The following TAS2R1 variants were observed in gnomAD, a reference collection of about 807,000 sequenced individuals.
The protein encoded by TAS2R1 is taste receptor type 2 member 1.
For missense variants in TAS2R1, 370 were observed against 353.4 expected (o/e 1.05, Z -0.38); for synonymous variants, 141 against 134.2 (o/e 1.05, Z -0.35).
chr5:9,774,099 A>C, the TAS2R1 span, among the ~76,000 whole-genome samples: 1 of 152,166 alleles, frequency 6.6e-6, no homozygotes, highest in African/African-American at 2.4e-5. Context: ...GGCATGCTGC[A>C]TTCTTTCTTA....
At chr5:9,901,948 G>A in the TAS2R1 span, among the ~76,000 whole-genome samples, 1 of 152,202 alleles carries the variant, frequency 6.6e-6, no homozygotes, top group South Asian at 2.1e-4. Flanking sequence ...AGCCTAGCAG[G>A]ACTGAACTGA....
the TAS2R1 span, among the ~76,000 whole-genome samples, chr5:9,774,748 G>A: frequency 6.6e-6 from 1 of 152,224 alleles, no homozygotes; most frequent in African/African-American, 2.4e-5. Flanking sequence ...GGATTACCAG[G>A]CGGAGACTCT....
chr5:9,722,343 G>A, the TAS2R1 span, among the ~76,000 whole-genome samples: 1 of 152,206 alleles, frequency 6.6e-6, no homozygotes, highest in Non-Finnish European at 1.5e-5. Flanking sequence ...GTCATTTTAA[G>A]CTACTAAGTT....
the TAS2R1 span, among the ~76,000 whole-genome samples, chr5:9,887,788 T>C: frequency 6.6e-6 from 1 of 152,162 alleles, no homozygotes; most frequent in Non-Finnish European, 1.5e-5. Flanking sequence ...TAAGCATAAC[T>C]AGAAAAGTGG....
the TAS2R1 span, among the ~76,000 whole-genome samples, chr5:9,810,511 T>C: frequency 6.6e-6 from 1 of 152,186 alleles, no homozygotes; most frequent in Non-Finnish European, 1.5e-5. Flanking sequence ...CCTGGACTTA[T>C]TCTGGCTCTG....
chr5:9,719,697 G>C, the TAS2R1 span, among the ~76,000 whole-genome samples: 7 of 152,200 alleles, frequency 4.6e-5, no homozygotes, highest in South Asian at 1.5e-3. Context: ...GGGAGGCCGA[G>C]GCGGGCGGAT....
At chr5:9,708,668 T>A (rs901536005) in intron 1 of TAS2R1, among the ~76,000 whole-genome samples, 1 of 152,172 alleles carries the variant, frequency 6.6e-6, no homozygotes, top group Non-Finnish European at 1.5e-5. Context: ...ATAGTTTTTA[T>A]CTCACCCAGC....
At chr5:9,647,152 C>T (rs909358574) in intron 2 of TAS2R1, among the ~76,000 whole-genome samples, 9 of 152,080 alleles carry the variant, frequency 5.9e-5, no homozygotes, top group African/African-American at 1.9e-4. Flanking sequence ...TACAGAACCA[C>T]ATCAAATCAG....
Position 9,629,503 on chromosome 5 carries a change from A to G in TAS2R1, c.530T>C (p.Phe177Ser), listed in dbSNP as rs143184511. Residue 177 changes from phenylalanine (F) to serine (S), a missense_variant, in exon 1 of 1, where the codon TTC (phenylalanine) becomes TCC (serine). By Grantham distance (155) the Phe-to-Ser change is radical (BLOSUM62 -2). Coordinates refer to ENST00000382492, the MANE Select transcript of TAS2R1 (RefSeq NM_019599.3). ...CACTGAGAACTCAGCAACAAAAGAG[A>G]AAATCTGTATAGCCAGTGTATCTTC... ...QKEDTLAIQI[F>S]SFVAEFSVPL... 3 of 1,614,064 alleles carry G rather than the reference A, an allele frequency of 1.9e-6. No homozygotes were observed.
chr5:9,888,250 G>A, the TAS2R1 span, among the ~76,000 whole-genome samples: 2 of 152,022 alleles, frequency 1.3e-5, no homozygotes, highest in South Asian at 2.1e-4. Flanking sequence ...TGCCATGGCC[G>A]CTGCCTGACT....
intron 1 of TAS2R1, among the ~76,000 whole-genome samples, chr5:9,682,849 G>A (rs998820169): frequency 6.6e-6 from 1 of 152,122 alleles, no homozygotes; most frequent in Admixed American, 6.5e-5. Flanking sequence ...CAATCACAGT[G>A]TTTTATTTAC....
chr5:9,707,360 T>C (rs1318694084), intron 1 of TAS2R1, among the ~76,000 whole-genome samples: 1 of 152,160 alleles, frequency 6.6e-6, no homozygotes, highest in Non-Finnish European at 1.5e-5. Flanking sequence ...CCCATCCTCA[T>C]CATCCAGGAC....
At chr5:9,873,549 A>G in the TAS2R1 span, among the ~76,000 whole-genome samples, 2 of 152,048 alleles carry the variant, frequency 1.3e-5, no homozygotes, top group East Asian at 1.9e-4. Flanking sequence ...GTGGGAGATT[A>G]GGAATAGAAG....
chr5:9,830,605 G>GCGCACACACACA, the TAS2R1 span, among the ~76,000 whole-genome samples: 1 of 149,708 alleles, frequency 6.7e-6, no homozygotes, highest in African/African-American at 2.5e-5. Flanking sequence ...ACGTGCGCGC[G>GCGCACACACACA]CACACACACA....
intron 1 of TAS2R1, among the ~76,000 whole-genome samples, chr5:9,688,271 C>T (rs1376647456): frequency 6.6e-6 from 1 of 152,090 alleles, no homozygotes; most frequent in Non-Finnish European, 1.5e-5. Flanking sequence ...GTAATATCAC[C>T]AAAAATGAGT....
chr5:9,703,080 T>C (rs1444586308), intron 1 of TAS2R1, among the ~76,000 whole-genome samples: 1 of 152,188 alleles, frequency 6.6e-6, no homozygotes, highest in African/African-American at 2.4e-5. Context: ...GCTGACACTT[T>C]ACTGGCCTCC....
At chr5:9,900,708 C>T in the TAS2R1 span, among the ~76,000 whole-genome samples, 1 of 150,118 alleles carries the variant, frequency 6.7e-6, no homozygotes, top group South Asian at 2.1e-4. Flanking sequence ...GCAAGCTCCG[C>T]GTCCCGGGTT....
At chr5:9,671,855 T>A (rs1405696218) in intron 1 of TAS2R1, among the ~76,000 whole-genome samples, 7 of 149,426 alleles carry the variant, frequency 4.7e-5, no homozygotes, top group Admixed American at 2.0e-4. Flanking sequence ...GCAAAAAAAA[T>A]AATAATAAAG....
At chr5:9,894,792 A>G in the TAS2R1 span, among the ~76,000 whole-genome samples, 1 of 152,234 alleles carries the variant, frequency 6.6e-6, no homozygotes, top group African/African-American at 2.4e-5. Context: ...TGCAGGTGAA[A>G]CCACTTCACA....
Sources: gnomAD v4.1 joint callset for allele counts (sites outside exome capture counted in the v4.1 genomes callset) on GRCh38, gnomAD v4.1.1 for gene constraint, MANE v1.5 for transcripts, NCBI Gene and HGNC (gene_info 2026-07-23, HGNC 2026-07-21) for gene names.